The following STAP1 variants were observed in gnomAD, a reference collection of about 807,000 sequenced individuals.
STAP1 encodes signal-transducing adaptor protein 1.
Under a neutral mutation model 37.8 loss-of-function variants are expected in STAP1, and 30 were observed. The observed-to-expected ratio is 0.79, with a 90% CI of 0.59 to 1.08. The LOEUF (loss-of-function observed/expected upper bound fraction) is 1.08. Among genes scored for constraint, STAP1 ranks in the 50% least tolerant of loss-of-function variants. The pLI is 0.00. For synonymous variants in STAP1, 130 were observed against 116.0 expected, an observed-to-expected ratio of 1.12 and a Z score of -0.78; for missense variants, 357 against 349.4, an observed-to-expected ratio of 1.02 and a Z score of -0.17.
intron 8 of STAP1, among the ~76,000 whole-genome samples, chr4:67,597,356 G>T (rs894197170): frequency 1.8e-4 from 27 of 152,366 alleles, no homozygotes; most frequent in African/African-American, 6.5e-4. Flanking sequence ...TGTCCAGCCA[G>T]AAGTCTGCTC....
rs895451881 is a variant in STAP1 at position 67,576,429 on chromosome 4, A to G, written c.307-774A>G. ...TAGTGCTTAGCACTTAAAGGTACTT[A>G]GTAAATATCTGTTAAATGAACAAAT... On this transcript the variant is annotated intron_variant, in intron 3 of 8. Coordinates refer to ENST00000265404, the MANE Select transcript of STAP1 (RefSeq NM_012108.4). 4.6e-5 allele frequency among the ~76,000 whole-genome samples: 7 copies of G among 152,216 alleles called. No homozygotes were observed. The South Asian group carries it at 1.5e-3, about 32-fold the overall frequency.
In STAP1 at chr4:67,571,088, A is replaced by G. The variant is rs1247929908; in HGVS notation, c.125A>G (p.Tyr42Cys). Residue 42 changes from tyrosine to cysteine, a missense_variant, in exon 2 of 9, where the codon TAT (tyrosine) becomes TGT (cysteine). Physicochemically the swap from Tyr to Cys is radical, Grantham distance 194. Transcript: ENST00000265404. ...TTTATGGTTTCTTTCCCACAGGAGT[A>G]TGAGCATTACTGGACAGAGTTGAGA... is the stretch of plus-strand genomic sequence containing the variant. ...LLIKRSGYRE[Y>C]EHYWTELRGT... 1 of 1,610,350 alleles carries G rather than the reference A, an allele frequency of 6.2e-7. No homozygotes were observed. The highest frequency in any genetic ancestry group is 8.5e-7 in the Non-Finnish European group (1 of 1,177,002).
chr4:67,566,244 G>T (rs952407815), intron 1 of STAP1, among the ~76,000 whole-genome samples: 1 of 151,936 alleles, frequency 6.6e-6, no homozygotes, highest in African/African-American at 2.4e-5. Context: ...CACCGCGCCT[G>T]GCCCTCTTCC....
In STAP1 at chr4:67,606,711, A is replaced by G. The variant is rs535948272; in HGVS notation, c.*354A>G. The G allele has an allele frequency of 7.2e-4, 119 of 165,288 alleles. No individual in the cohort carries two copies. Among genetic ancestry groups the G allele is most frequent in the African/African-American group, 2.7e-3 (112 of 42,212 alleles). 10.2% of individuals were successfully genotyped at this position (165,288 alleles called of 1,614,324 possible). On this transcript the variant is annotated 3_prime_UTR_variant, in exon 9 of 9. Transcript: ENST00000265404. ...TTCCAACAGCAGTTTCTCTAGTTCT[A>G]AATTTTACCAATTCCCAAAAAACCT...
chr4:67,605,943 G>A (rs958688174), intron 8 of STAP1, among the ~76,000 whole-genome samples: 2 of 152,142 alleles, frequency 1.3e-5, no homozygotes, highest in African/African-American at 4.8e-5. Flanking sequence ...GTTAACCCAT[G>A]TCAGCATTTG....
intron 1 of STAP1, among the ~76,000 whole-genome samples, chr4:67,568,558 A>G (rs1180381989): frequency 1.3e-5 from 2 of 152,194 alleles, no homozygotes; most frequent in South Asian, 2.1e-4. Context: ...ATGGGAGTTT[A>G]ACTAGGTTAT....
In STAP1 at chr4:67,600,210, A is replaced by G. The variant is rs1397053955; in HGVS notation, c.827-6086A>G. Among the ~76,000 whole-genome samples, 4 of 151,870 alleles carry G rather than the reference A, an allele frequency of 2.6e-5. No homozygotes were observed. In the South Asian group the frequency reaches 6.2e-4, roughly 24 times the overall value. On this transcript the variant is annotated intron_variant, in intron 8 of 8. Transcript: ENST00000265404. Reference sequence around the variant, plus strand: ...TTTGGTCTCTTGAATTGCCATTTTGATTTGTTTCAAGAAATTTTTAAATTT... The same window carrying G: ...TTTGGTCTCTTGAATTGCCATTTTGGTTTGTTTCAAGAAATTTTTAAATTT...
At chr4:67,588,415 TTTTG>T (rs1223926285) in intron 6 of STAP1, among the ~76,000 whole-genome samples, 1 of 152,080 alleles carries the variant, frequency 6.6e-6, no homozygotes, top group Non-Finnish European at 1.5e-5. Context: ...TGTTTTTTGT[TTTTG>T]TTTTTTTTGA....
chr4:67,577,147 T>G (rs2109861910), intron 3 of STAP1, 56 bp from the exon 4 acceptor site: 1 of 1,482,734 alleles, frequency 6.7e-7, no homozygotes, highest in South Asian at 1.2e-5. Context: ...TATTTTATGC[T>G]CAATCACTCA....
Position 67,563,226 on chromosome 4 carries a change from T to C in STAP1, c.120+4297T>C, listed in dbSNP as rs553329184. 3.3e-5 allele frequency among the ~76,000 whole-genome samples: 5 copies of C among 152,348 alleles called. No individual in the cohort carries two copies. The South Asian group carries it at 1.0e-3, about 32-fold the overall frequency. On this transcript the variant is annotated intron_variant, in intron 1 of 8. Coordinates refer to ENST00000265404, the MANE Select transcript of STAP1 (RefSeq NM_012108.4). ...ATTTTTAAATCTGTTCTCTCCTTTCTAAAAAGAATAATTACTCTCTTGCAT... is the reference window on the plus strand; with the variant it reads ...ATTTTTAAATCTGTTCTCTCCTTTCCAAAAAGAATAATTACTCTCTTGCAT...
intron 2 of STAP1, among the ~76,000 whole-genome samples, chr4:67,573,933 T>C (rs976971120): frequency 2.0e-5 from 3 of 152,104 alleles, no homozygotes; most frequent in Non-Finnish European, 2.9e-5. Context: ...CTATACTTAC[T>C]ACAGGTAGTT....
intron 8 of STAP1, among the ~76,000 whole-genome samples, chr4:67,603,350 C>T (rs1262983644): frequency 6.6e-6 from 1 of 152,158 alleles, no homozygotes; most frequent in Non-Finnish European, 1.5e-5. Context: ...AACCACAAGG[C>T]CCTGCTTGGT....
intron 6 of STAP1, among the ~76,000 whole-genome samples, chr4:67,589,650 C>A (rs1204106493): frequency 6.6e-6 from 1 of 152,146 alleles, no homozygotes; most frequent in Non-Finnish European, 1.5e-5. Context: ...TTTGTCAACA[C>A]TAGAAAAAGT....
intron 3 of STAP1, among the ~76,000 whole-genome samples, chr4:67,576,943 A>G (rs774488931): frequency 6.6e-6 from 1 of 152,240 alleles, no homozygotes; most frequent in Non-Finnish European, 1.5e-5. Context: ...ATACTGCAAA[A>G]GTAAGTTTTC....
rs34185676 is a variant in STAP1 at position 67,595,372 on chromosome 4, CAAAAAAAAAAAAA to C, written c.826+2033_826+2045del. 2.7e-3 allele frequency among the ~76,000 whole-genome samples: 236 copies of C among 87,782 alleles called. 1 individual carries two copies. Among genetic ancestry groups the C allele is most frequent in the South Asian group, 0.019 (49 of 2,600 alleles). The allele number at this position is 87,782 out of a possible 152,430, so 57.6% of individuals were successfully genotyped here. On this transcript the variant is annotated intron_variant, in intron 8 of 8. Transcript: ENST00000265404. ...GCAACATAGGGAGACTTCGTTTCTA[CAAAAAAAAAAAAA>C]AAAAAAAAAAAAAAAATGCTGGGTA... is the stretch of plus-strand genomic sequence containing the variant.
intron 2 of STAP1, among the ~76,000 whole-genome samples, chr4:67,571,409 A>T (rs943844228): frequency 1.6e-4 from 25 of 152,216 alleles, no homozygotes; most frequent in African/African-American, 6.0e-4. Context: ...TGATAACTAA[A>T]CTTAGTTAAA....
intron 1 of STAP1, among the ~76,000 whole-genome samples, chr4:67,569,381 G>T (rs1278137384): frequency 6.6e-6 from 1 of 152,004 alleles, no homozygotes; most frequent in African/African-American, 2.4e-5. Context: ...TAGACTTTAT[G>T]AACACTGTAC....
intron 1 of STAP1, among the ~76,000 whole-genome samples, chr4:67,561,562 C>T (rs987215594): frequency 1.4e-4 from 21 of 152,082 alleles, no homozygotes; most frequent in Non-Finnish European, 2.8e-4. Context: ...TAGAAGGTTT[C>T]TAAATCTGAG....
At chr4:67,588,463 A>G (rs907152703) in intron 6 of STAP1, among the ~76,000 whole-genome samples, 16 of 151,850 alleles carry the variant, frequency 1.1e-4, no homozygotes, top group African/African-American at 2.2e-4. Flanking sequence ...AGGCTGGAGT[A>G]CAGTGGTGCG....
Sources: allele counts gnomAD v4.1 joint callset (sites outside exome capture counted in the v4.1 genomes callset), GRCh38; gene constraint gnomAD v4.1.1; transcripts MANE v1.5; gene names NCBI Gene and HGNC (gene_info 2026-07-23, HGNC 2026-07-21).